The following TONSL variants were observed in gnomAD, a reference collection of about 807,000 sequenced individuals.
TONSL encodes tonsoku like, DNA repair protein.
TONSL carries 112 observed loss-of-function variants against 147.1 expected under a neutral mutation model. The observed-to-expected ratio is 0.76, with a 90% CI of 0.65 to 0.89. TONSL has a LOEUF of 0.89. Among genes scored for constraint, TONSL ranks in the 40% least tolerant of loss-of-function variants. TONSL has a pLI of 0.00. For synonymous variants in TONSL, 868 were observed against 801.5 expected (o/e 1.08, Z -1.40); for missense variants, 1,883 against 1,864.6 (o/e 1.01, Z -0.18).
In TONSL at chr8:144,429,119, G is replaced by A; in HGVS notation, c.*24C>T. 2.0e-6 allele frequency: 3 copies of A among 1,510,538 alleles called. No individual in the cohort carries two copies. The highest frequency in any genetic ancestry group is 2.6e-6 in the Non-Finnish European group (3 of 1,134,526). The allele number at this position is 1,510,538 out of a possible 1,614,324, so 93.6% of individuals were successfully genotyped here. On this transcript the variant is annotated 3_prime_UTR_variant, in exon 26 of 26. Transcript: ENST00000409379. ...CTTCATTTATTAGGGGCTTCGGTGAGGGTGGGGAAAGGCAGCGCCAGGGTC... is the reference window on the plus strand; with the variant it reads ...CTTCATTTATTAGGGGCTTCGGTGAAGGTGGGGAAAGGCAGCGCCAGGGTC...
At position 144,435,524 on chromosome 8, in the gene TONSL, C is replaced by T; in HGVS notation, c.2802G>A (p.Arg934=). 6.4e-7 allele frequency: 1 copy of T among 1,550,904 alleles called. No homozygotes were observed. Among genetic ancestry groups the T allele is most frequent in the South Asian group, 1.2e-5 (1 of 84,292 alleles). Residue 934 remains arginine (R), a synonymous_variant, in exon 18 of 26, where the codon CGG becomes CGA. Coordinates refer to ENST00000409379, the MANE Select transcript of TONSL (RefSeq NM_013432.5). ...PLGPAPPPPI[R]VRVQVQDHLF... ...GATGATCCTGAACTTGAACTCGAAC[C>T]CGGATGGGAGGGGGCGGGGCCGGAC...
chr8:144,431,608 G>A (rs1224276658), intron 23 of TONSL, among the ~76,000 whole-genome samples: 22 of 151,288 alleles, frequency 1.5e-4, no homozygotes, highest in African/African-American at 3.4e-4. Flanking sequence ...TCCGCCTCCC[G>A]GGTTCACGCT....
chr8:144,444,162 C>G lies in TONSL; in HGVS notation c.121+18G>C. The G allele has an allele frequency of 2.8e-6, 4 of 1,422,072 alleles. No individual in the cohort carries two copies. The highest frequency in any genetic ancestry group is 2.8e-6 in the Non-Finnish European group (3 of 1,089,214). 88.1% of individuals were successfully genotyped at this position (1,422,072 alleles called of 1,614,324 possible). On this transcript the variant is annotated intron_variant, in intron 2 of 25. Transcript: ENST00000409379. ...CGGGCCCCGGCCCTGCCTCCCGCCT[C>G]CTGGTCCCGGCGCTCACCATGGCCG...
intron 4 of TONSL, 138 bp downstream of exon 4, chr8:144,443,000 C>T (rs371961065): frequency 2.7e-4 from 338 of 1,235,492 alleles, no homozygotes; most frequent in Middle Eastern, 1.3e-3. Context: ...TTGAGCGGGG[C>T]ATGCACCCCT....
intron 7 of TONSL, chr8:144,441,420 G>A (rs958370174): frequency 1.1e-5 from 3 of 285,540 alleles, no homozygotes; most frequent in African/African-American, 2.2e-5. Flanking sequence ...GTGAAACCTC[G>A]TCTCTACTAA....
At position 144,430,489 on chromosome 8, in the gene TONSL, G is replaced by A; in HGVS notation, c.3858C>T (p.Asn1286=). 1 of 1,613,578 alleles carries A rather than the reference G, an allele frequency of 6.2e-7. No individual in the cohort carries two copies. The highest frequency in any genetic ancestry group is 8.5e-7 in the Non-Finnish European group (1 of 1,179,744). The change falls in exon 25 of 26, where the codon AAC becomes AAT. Residue 1286 remains asparagine (N), a synonymous_variant. Transcript: ENST00000409379. ...CCAAGCTGGCACAGCTGATCTCAGG[G>A]TTGGCAGACAGATCCAGTGAGATGA... The part of the protein sequence containing the change: ...PSLISLDLSA[N]PEISCASLEE...
intron 7 of TONSL, chr8:144,441,359 G>A (rs979992348): frequency 1.0e-5 from 5 of 485,382 alleles, no homozygotes; most frequent in African/African-American, 1.9e-5. Context: ...TTGGGAGGCC[G>A]AGGCGGGCAG....
At chr8:144,430,996 A>G in intron 24 of TONSL, 82 bp downstream of exon 24, 4 of 1,498,900 alleles carry the variant, frequency 2.7e-6, no homozygotes, top group South Asian at 2.3e-5. Flanking sequence ...AGCTGGTACC[A>G]TTTCTGTGGC....
At position 144,436,670 on chromosome 8, in the gene TONSL, C is replaced by CG; in HGVS notation, c.1901dup (p.Leu635AlafsTer54). ...TCACCCACTGCTGCAGCGTCTCCAG[C>CG]GGGCTGAGGCCCTGTGTGGCATCAG... is the stretch of plus-strand genomic sequence containing the variant. On this transcript the variant is annotated frameshift_variant, in exon 16 of 26. Coordinates refer to ENST00000409379, the MANE Select transcript of TONSL (RefSeq NM_013432.5). LOFTEE classifies it high-confidence loss of function. The CG allele has an allele frequency of 6.2e-7, 1 of 1,611,970 alleles. No homozygotes were observed. Among genetic ancestry groups the CG allele is most frequent in the Non-Finnish European group, 8.5e-7 (1 of 1,179,926 alleles).
Position 144,443,231 on chromosome 8 carries a change from C to A in TONSL, c.355G>T (p.Asp119Tyr), listed in dbSNP as rs1823787020. The change falls in exon 4 of 26, where the codon GAC becomes TAC. Residue 119 changes from aspartate to tyrosine, a missense_variant. Coordinates refer to ENST00000409379, the MANE Select transcript of TONSL (RefSeq NM_013432.5). ...AWATIGRTHL[D>Y]IYDHCQSRDA... ...CTCGACTGGCAGTGGTCATAGATGT[C>A]CAGGTGGGTGCGGCCGATGGTGGCC... The A allele has an allele frequency of 6.4e-7, 1 of 1,550,700 alleles. No homozygotes were observed. The highest frequency in any genetic ancestry group is 1.4e-5 in the African/African-American group (1 of 73,064).
intron 11 of TONSL, chr8:144,439,751 C>G: frequency 2.0e-6 from 1 of 505,400 alleles, no homozygotes; most frequent in South Asian, 2.8e-5. Flanking sequence ...ACCCCTGGCC[C>G]CAGATGGCAC....
rs1192455967 is a variant in TONSL, at chr8:144,431,255, T to TC, written c.3736-105dup. 24 of 1,053,248 alleles carry TC rather than the reference T, an allele frequency of 2.3e-5. No individual in the cohort carries two copies. The African/African-American group carries it at 2.7e-4, about 12-fold the overall frequency. The allele number at this position is 1,053,248 out of a possible 1,614,324, so 65.2% of individuals were successfully genotyped here. Reference sequence around the variant, plus strand: ...CCCAGGGGCCCAGAAGGGAGCAGAGTCCCCCATCAAGTTGGAGATCGGAAG... The same window carrying TC: ...CCCAGGGGCCCAGAAGGGAGCAGAGTCCCCCCATCAAGTTGGAGATCGGAAG... On this transcript the variant is annotated intron_variant, in intron 23 of 25. Coordinates refer to ENST00000409379, the MANE Select transcript of TONSL (RefSeq NM_013432.5).
chr8:144,435,014 C>T lies in TONSL; in HGVS notation c.3006+3G>A. ...CTGGCTCCCCCTCCGCTCTGCGGCT[C>T]ACCTCGTCATTGCTCTGCAGCACAT... is the stretch of plus-strand genomic sequence containing the variant. On this transcript the variant is annotated splice_donor_region_variant and intron_variant, in intron 19 of 25. Transcript: ENST00000409379. The T allele has an allele frequency of 6.2e-7, 1 of 1,612,438 alleles. No homozygotes were observed. Among genetic ancestry groups the T allele is most frequent in the Non-Finnish European group, 8.5e-7 (1 of 1,179,670 alleles).
At chr8:144,431,031 A>G (rs781991067) in intron 24 of TONSL, 47 bp downstream of exon 24, 1 of 1,606,962 alleles carries the variant, frequency 6.2e-7, no homozygotes, top group East Asian at 2.2e-5. Context: ...GTCCAGAGCC[A>G]TGAGATCAGA....
intron 25 of TONSL, 39 bp from the exon 26 acceptor site, chr8:144,429,375 G>A (rs1554878130): frequency 2.2e-6 from 3 of 1,361,752 alleles, no homozygotes; most frequent in East Asian, 3.0e-5. Flanking sequence ...CGCTGCGGGG[G>A]CCGGCGGCGT....
intron 25 of TONSL, 28 bp downstream of exon 25, chr8:144,430,376 C>T: frequency 1.3e-6 from 2 of 1,555,514 alleles, no homozygotes; most frequent in South Asian, 2.4e-5. Context: ...CCGAACATGG[C>T]AGGCGTGGCC....
rs150987844 is a variant in TONSL, at chr8:144,434,208, C to A, written c.3157G>T (p.Ala1053Ser). The change falls in exon 21 of 26, where the codon GCC becomes TCC. Residue 1053 changes from alanine (A) to serine (S), a missense_variant. By Grantham distance (99) the Ala-to-Ser change is moderately conservative (BLOSUM62 1). Transcript: ENST00000409379. ...GGTGTAAGCTGGGCCTGGTCCAGGG[C>A]CAGGGAGCAGGCGCTGAACGAGAGG... ...LGLSFSACSL[A>S]LDQAQLTPLL... The A allele has an allele frequency of 1.2e-4, 193 of 1,576,446 alleles. No homozygotes were observed. Among genetic ancestry groups the A allele is most frequent in the Non-Finnish European group, 1.6e-4 (183 of 1,158,352 alleles).
chr8:144,436,111 A>G lies in TONSL; in HGVS notation c.2322T>C (p.Pro774=). The G allele has an allele frequency of 1.3e-6, 2 of 1,556,456 alleles. No homozygotes were observed. Among genetic ancestry groups the G allele is most frequent in the Non-Finnish European group, 1.7e-6 (2 of 1,157,794 alleles). The change falls in exon 17 of 26, where the codon CCT becomes CCC. Residue 774 remains proline (P), a synonymous_variant. Transcript: ENST00000409379. The part of the protein sequence containing the change: ...ATAQRVAAWT[P]GPASNREAAT... ...CTGCTTCCCTGTTGCTGGCGGGGCC[A>G]GGCGTCCAGGCTGCCACCCGTTGTG...
At chr8:144,442,556 G>A in intron 5 of TONSL, 121 bp downstream of exon 5, 6 of 1,494,178 alleles carry the variant, frequency 4.0e-6, no homozygotes, top group Non-Finnish European at 5.4e-6. Flanking sequence ...GGTGTGAGAG[G>A]TGGGGGGATG....
Sources: allele counts gnomAD v4.1 joint callset (sites outside exome capture counted in the v4.1 genomes callset), GRCh38; gene constraint gnomAD v4.1.1; transcripts MANE v1.5; gene names NCBI Gene and HGNC (gene_info 2026-07-23, HGNC 2026-07-21).